Variants in ASXL1 observed in about 807,000 individuals in gnomAD.
ASXL1 encodes ASXL transcriptional regulator 1.
Under a neutral mutation model 89.1 loss-of-function variants are expected in ASXL1, and 65 were observed. The ratio of observed to expected loss-of-function variants is 0.73; its 90% CI spans 0.60 to 0.90. The LOEUF (loss-of-function observed/expected upper bound fraction) is 0.90. Among genes scored for constraint, ASXL1 ranks in the 40% least tolerant of loss-of-function variants. ASXL1 has a pLI of 0.00. For synonymous variants in ASXL1, 739 were observed against 746.9 expected (o/e 0.99, Z 0.17); for missense variants, 1,786 against 1,942.9 (o/e 0.92, Z 1.52).
rs767144159 is a variant in ASXL1 at position 32,431,395 on chromosome 20, C to G, written c.793C>G (p.Arg265Gly). The G allele has an allele frequency of 6.2e-7, 1 of 1,614,208 alleles. No homozygotes were observed. Among genetic ancestry groups the G allele is most frequent in the South Asian group, 1.1e-5 (1 of 91,082 alleles). Residue 265 changes from arginine to glycine, a missense_variant, in exon 9 of 13, where the codon CGT becomes GGT. Physicochemically the swap from Arg to Gly is moderately radical, Grantham distance 125 (BLOSUM62 -2). Transcript: ENST00000375687. ...GTCCATTCTTGTCAACACCAACCTC[C>G]GTGCCCTGATCAACTCTCGGACCTT... ...PGSILVNTNL[R>G]ALINSRTFHA...
At chr20:32,425,781 A>C (rs1233821042) in intron 4 of ASXL1, among the ~76,000 whole-genome samples, 1 of 151,918 alleles carries the variant, frequency 6.6e-6, no homozygotes, top group Non-Finnish European at 1.5e-5. Flanking sequence ...ATCTTGGCTC[A>C]CTAACCTCTG....
In ASXL1 at chr20:32,368,033, G is replaced by GT. The variant is rs555171170; in HGVS notation, c.143+310dup. Among the ~76,000 whole-genome samples, 12 of 152,224 alleles carry GT rather than the reference G, an allele frequency of 7.9e-5. No individual in the cohort carries two copies. The South Asian group carries it at 2.3e-3, about 29-fold the overall frequency. On this transcript the variant is annotated intron_variant, in intron 3 of 12. Transcript: ENST00000375687. ...GTGTTCCAAGGCAAAATAAGTAATA[G>GT]TTTTTTAATGGTTTTTTTAGACTCA...
chr20:32,423,086 C>G (rs184591429), intron 4 of ASXL1, among the ~76,000 whole-genome samples: 17 of 152,180 alleles, frequency 1.1e-4, no homozygotes. Flanking sequence ...TTATGTCAAA[C>G]TTATAGAGTT....
chr20:32,386,457 G>T (rs2048580404), intron 4 of ASXL1, among the ~76,000 whole-genome samples: 1 of 150,204 alleles, frequency 6.7e-6, no homozygotes, highest in African/African-American at 2.5e-5. Context: ...TTGTTCTGTT[G>T]CCCAGGCTGG....
intron 4 of ASXL1, among the ~76,000 whole-genome samples, chr20:32,370,705 G>A (rs1048555296): frequency 1.3e-5 from 2 of 152,010 alleles, no homozygotes; most frequent in African/African-American, 2.4e-5. Context: ...ATAAAACTTG[G>A]TCTTTATATA....
chr20:32,396,463 G>T (rs1278438966), intron 4 of ASXL1, among the ~76,000 whole-genome samples: 1 of 152,056 alleles, frequency 6.6e-6, no homozygotes, highest in South Asian at 2.1e-4. Context: ...ATTTTTGTAA[G>T]GGTATACAGA....
intron 1 of ASXL1, 93 bp from the exon 2 acceptor site, chr20:32,366,291 G>C (rs1262547168): frequency 9.1e-7 from 1 of 1,104,894 alleles, no homozygotes; most frequent in African/African-American, 1.6e-5. Context: ...GTCACCAGCG[G>C]TACCTCATAG....
chr20:32,398,282 C>T (rs1003205143), intron 4 of ASXL1, among the ~76,000 whole-genome samples: 12 of 152,018 alleles, frequency 7.9e-5, no homozygotes, highest in African/African-American at 1.9e-4. Context: ...AGTGCAGTGA[C>T]GCGATCTCGG....
At chr20:32,390,302 C>G (rs758205392) in intron 4 of ASXL1, among the ~76,000 whole-genome samples, 2 of 152,142 alleles carry the variant, frequency 1.3e-5, no homozygotes, top group Non-Finnish European at 2.9e-5. Flanking sequence ...ATATCACTTT[C>G]ATATACCATC....
chr20:32,372,095 G>A, intron 4 of ASXL1: 2 of 1,339,682 alleles, frequency 1.5e-6, no homozygotes, highest in Non-Finnish European at 2.0e-6. Flanking sequence ...TTGGCTCTGG[G>A]CAGAATTCTT....
chr20:32,384,400 C>T (rs561578221), intron 4 of ASXL1, among the ~76,000 whole-genome samples: 2 of 151,858 alleles, frequency 1.3e-5, no homozygotes, highest in African/African-American at 2.4e-5. Flanking sequence ...TGGGGTTTCA[C>T]CCCCAGGCTG....
intron 4 of ASXL1, among the ~76,000 whole-genome samples, chr20:32,411,746 C>T (rs866892806): frequency 2.0e-5 from 3 of 151,842 alleles, no homozygotes; most frequent in Non-Finnish European, 4.4e-5. Flanking sequence ...CCATGTTGGC[C>T]AGGCTGGTCT....
intron 9 of ASXL1, 46 bp downstream of exon 9, chr20:32,431,530 T>C (rs745703952): frequency 6.2e-7 from 1 of 1,614,088 alleles, no homozygotes; most frequent in Non-Finnish European, 8.5e-7. Flanking sequence ...GGTGGGCTTC[T>C]GTTCTCTTTT....
At chr20:32,411,531 G>A (rs1176609066) in intron 4 of ASXL1, among the ~76,000 whole-genome samples, 2 of 130,362 alleles carry the variant, frequency 1.5e-5, no homozygotes, top group Non-Finnish European at 3.2e-5. Flanking sequence ...CCCGGCCATG[G>A]ATTCCTTTTT....
chr20:32,430,986 G>T, intron 8 of ASXL1: 3 of 514,018 alleles, frequency 5.8e-6, no homozygotes, highest in Non-Finnish European at 1.1e-5. Context: ...GATTTCTCCA[G>T]TTGAGCTTTG....
At position 32,437,732 on chromosome 20, in the gene ASXL1, A is replaced by G. The variant is rs2295762; in HGVS notation, c.*394A>G. 0.38 allele frequency: 111,339 copies of G among 295,486 alleles called. 22,509 individuals are homozygous for G. The highest frequency in any genetic ancestry group is 0.71 in the East Asian group (13,554 of 19,136). 18.3% of individuals were successfully genotyped at this position (295,486 alleles called of 1,614,324 possible). On this transcript the variant is annotated 3_prime_UTR_variant, in exon 13 of 13. Coordinates refer to ENST00000375687, the MANE Select transcript of ASXL1 (RefSeq NM_015338.6). ...TAAGTAGAAATGCCAGTCTTCCACT[A>G]CCCCCTCCCTGCCATCTTTTCTTCT...
chr20:32,362,059 G>A (rs1569233385), intron 1 of ASXL1, among the ~76,000 whole-genome samples: 1 of 152,092 alleles, frequency 6.6e-6, no homozygotes, highest in African/African-American at 2.4e-5. Context: ...GTGAGACTCT[G>A]TCTCAAAAAC....
rs557332680 is a variant in ASXL1, at chr20:32,438,368, T to A, written c.*1030T>A. On this transcript the variant is annotated 3_prime_UTR_variant, in exon 13 of 13. Transcript: ENST00000375687. ...GAGAACATGAACGTCTCTTCCTAAT[T>A]TTACATCTTCAGCATCATTGCATTA... The A allele has an allele frequency of 2.8e-4, 66 of 233,600 alleles. No homozygotes were observed. Among genetic ancestry groups the A allele is most frequent in the African/African-American group, 1.4e-3 (64 of 45,440 alleles). The allele number at this position is 233,600 out of a possible 1,614,324, so 14.5% of individuals were successfully genotyped here.
intron 4 of ASXL1, among the ~76,000 whole-genome samples, chr20:32,391,511 G>A (rs1201460343): frequency 1.3e-5 from 2 of 152,004 alleles, no homozygotes; most frequent in African/African-American, 4.8e-5. Context: ...TTGAGGCAGA[G>A]CTTTACTCTC....
Sources: allele counts gnomAD v4.1 joint callset (sites outside exome capture counted in the v4.1 genomes callset), GRCh38; gene constraint gnomAD v4.1.1; transcripts MANE v1.5; gene names NCBI Gene and HGNC (gene_info 2026-07-23, HGNC 2026-07-21).